Variants in CCR3 observed in about 807,000 individuals in gnomAD.
CCR3 encodes C-C chemokine receptor type 3.
For synonymous variants in CCR3, 203 were observed against 179.2 expected, an observed-to-expected ratio of 1.13 and a Z score of -1.06; for missense variants, 419 against 437.5, an observed-to-expected ratio of 0.96 and a Z score of 0.38.
chr3:46,260,440 C>T (rs1700502379), intron 1 of CCR3, among the ~76,000 whole-genome samples: 3 of 152,190 alleles, frequency 2.0e-5, no homozygotes, highest in Admixed American at 2.0e-4. Flanking sequence ...TACTTACTTC[C>T]TAGATACAAT....
chr3:46,219,638 AG>A (rs1254597392), intron 2 of CCR3, among the ~76,000 whole-genome samples: 1 of 152,218 alleles, frequency 6.6e-6, no homozygotes, highest in African/African-American at 2.4e-5. Context: ...AAATAGGCAC[AG>A]GCAGATAGAC....
intron 2 of CCR3, among the ~76,000 whole-genome samples, chr3:46,225,824 GTTGT>G (rs1428249984): frequency 6.6e-6 from 1 of 152,166 alleles, no homozygotes; most frequent in Non-Finnish European, 1.5e-5. Context: ...TGTTAGATAT[GTTGT>G]TTGCATTTTT....
intron 2 of CCR3, among the ~76,000 whole-genome samples, chr3:46,235,272 C>T (rs1333258750): frequency 2.0e-5 from 3 of 152,162 alleles, no homozygotes; most frequent in Non-Finnish European, 4.4e-5. Flanking sequence ...TCTTTCTCTC[C>T]AGAGGATACT....
At chr3:46,231,145 G>A (rs887362173) in intron 2 of CCR3, among the ~76,000 whole-genome samples, 6 of 152,220 alleles carry the variant, frequency 3.9e-5, no homozygotes, top group Non-Finnish European at 7.4e-5. Flanking sequence ...GGATAGTCTC[G>A]ATCTCTTAAC....
At chr3:46,238,250 A>G (rs1700042487), upstream of CCR3, among the ~76,000 whole-genome samples, 1 of 63,130 alleles carries the variant, frequency 1.6e-5, no homozygotes, top group South Asian at 5.5e-4. Context: ...TGATATTGTC[A>G]ATTTAAAAAA....
intron 1 of CCR3, among the ~76,000 whole-genome samples, chr3:46,246,204 A>G (rs1700186304): frequency 6.6e-6 from 1 of 152,224 alleles, no homozygotes; most frequent in Admixed American, 6.5e-5. Flanking sequence ...GAGTTTATTA[A>G]GCATCTTTCA....
chr3:46,243,028 T>C (rs2125927426), intron 1 of CCR3, among the ~76,000 whole-genome samples: 1 of 135,800 alleles, frequency 7.4e-6, no homozygotes, highest in Middle Eastern at 3.8e-3. Flanking sequence ...CATTTTTATA[T>C]ATACAAAGTC....
At chr3:46,251,051 G>T (rs371307008) in intron 1 of CCR3, among the ~76,000 whole-genome samples, 1 of 151,792 alleles carries the variant, frequency 6.6e-6, no homozygotes. Context: ...AGGAGAAGGG[G>T]TTGAGGGGTA....
intron 2 of CCR3, among the ~76,000 whole-genome samples, chr3:46,233,130 C>T (rs1177694352): frequency 5.3e-5 from 8 of 152,228 alleles, no homozygotes; most frequent in Admixed American, 5.2e-4. Context: ...TGCACCCGGC[C>T]CATAGTCCTT....
At chr3:46,229,250 A>T (rs1294987066) in intron 2 of CCR3, among the ~76,000 whole-genome samples, 1 of 152,220 alleles carries the variant, frequency 6.6e-6, no homozygotes, top group Non-Finnish European at 1.5e-5. Flanking sequence ...CTCAGATGCT[A>T]ACTCTTGTGA....
chr3:46,214,698 G>A (rs1699753655), intron 2 of CCR3, among the ~76,000 whole-genome samples: 2 of 152,116 alleles, frequency 1.3e-5, no homozygotes, highest in Admixed American at 6.5e-5. Flanking sequence ...ATCCTCTGGG[G>A]AGACCAGTAG....
At chr3:46,239,153 T>G (rs978135505), upstream of CCR3, among the ~76,000 whole-genome samples, 3 of 152,218 alleles carry the variant, frequency 2.0e-5, no homozygotes, top group Non-Finnish European at 4.4e-5. Context: ...AGAATCTGCC[T>G]TATTGCAAAA....
rs186824819 is a variant in CCR3, at chr3:46,249,904, G to A, written c.-12+7366G>A. 4.3e-4 allele frequency among the ~76,000 whole-genome samples: 65 copies of A among 152,204 alleles called. 1 individual carries two copies. The highest frequency in any genetic ancestry group is 1.3e-3 in the African/African-American group (56 of 41,508). ...TTTTTTATCATTGTACACCTTGAAG[G>A]TGAGGTTAATTAAGTCCTGTTGTGG... On this transcript the variant is annotated intron_variant, in intron 1 of 1. Transcript: ENST00000395940.
chr3:46,219,060 A>T (rs1699806133), intron 2 of CCR3, among the ~76,000 whole-genome samples: 1 of 152,150 alleles, frequency 6.6e-6, no homozygotes, highest in African/African-American at 2.4e-5. Flanking sequence ...CCATGATATG[A>T]TCACATACCT....
In CCR3 at chr3:46,265,850, G is replaced by C; in HGVS notation, c.692G>C (p.Ser231Thr). Reference sequence around the variant, plus strand: ...ATCAAAACGCTGCTGAGGTGCCCCAGTAAAAAAAAGTACAAGGCCATCCGG... The same window carrying C: ...ATCAAAACGCTGCTGAGGTGCCCCACTAAAAAAAAGTACAAGGCCATCCGG... ...GIIKTLLRCPSKKKYKAIRLI... is the reference protein window; with the variant it reads ...GIIKTLLRCPTKKKYKAIRLI... Residue 231 changes from serine to threonine, a missense_variant, in exon 2 of 2, where the codon AGT becomes ACT. Coordinates refer to ENST00000395940, the MANE Select transcript of CCR3 (RefSeq NM_178329.3). 6.2e-7 allele frequency: 1 copy of C among 1,613,936 alleles called. No individual in the cohort carries two copies. The highest frequency in any genetic ancestry group is 8.5e-7 in the Non-Finnish European group (1 of 1,179,968).
chr3:46,252,433 C>A (rs1288032134), intron 1 of CCR3, among the ~76,000 whole-genome samples: 1 of 151,992 alleles, frequency 6.6e-6, no homozygotes, highest in Non-Finnish European at 1.5e-5. Context: ...CCCACCTTGG[C>A]CTCTCAAGAT....
chr3:46,220,922 G>A (rs1699828558), intron 2 of CCR3, among the ~76,000 whole-genome samples: 4 of 152,078 alleles, frequency 2.6e-5, no homozygotes, highest in Admixed American at 2.6e-4. Context: ...TAGGTGATGG[G>A]GGTACCAAAA....
At chr3:46,230,243 C>A (rs1699946676) in intron 2 of CCR3, among the ~76,000 whole-genome samples, 2 of 152,142 alleles carry the variant, frequency 1.3e-5, no homozygotes, top group Non-Finnish European at 2.9e-5. Flanking sequence ...GTAATGAAGT[C>A]ACAATATGCA....
At chr3:46,234,375 G>T (rs928226325) in intron 2 of CCR3, among the ~76,000 whole-genome samples, 1 of 152,032 alleles carries the variant, frequency 6.6e-6, no homozygotes, top group Non-Finnish European at 1.5e-5. Context: ...AGGCCTGAGG[G>T]CTCTTGATAC....
Sources: gnomAD v4.1 joint callset for allele counts (sites outside exome capture counted in the v4.1 genomes callset) on GRCh38, gnomAD v4.1.1 for gene constraint, MANE v1.5 for transcripts, NCBI Gene and HGNC (gene_info 2026-07-23, HGNC 2026-07-21) for gene names.